The following UBE2E1 variants were observed in gnomAD, a reference collection of about 807,000 sequenced individuals.
The protein encoded by UBE2E1 is ubiquitin conjugating enzyme E2 E1.
UBE2E1 carries 6 observed loss-of-function variants against 21.4 expected under a neutral mutation model. The ratio of observed to expected loss-of-function variants is 0.28; its 90% CI spans 0.15 to 0.55. The LOEUF (loss-of-function observed/expected upper bound fraction) is 0.55. UBE2E1 is among the 20% of genes least tolerant of loss of function. UBE2E1 has a pLI of 0.93. For synonymous variants in UBE2E1, 87 were observed against 82.7 expected (o/e 1.05, Z -0.28); for missense variants, 142 against 236.5 (o/e 0.60, Z 2.62).
chr3:23,888,609 T>C (rs1701256409), intron 4 of UBE2E1, among the ~76,000 whole-genome samples: 1 of 152,242 alleles, frequency 6.6e-6, no homozygotes, highest in Non-Finnish European at 1.5e-5. Context: ...CTATAGGACC[T>C]GATGTAACGG....
At chr3:23,885,333 T>C (rs980069847) in intron 3 of UBE2E1, among the ~76,000 whole-genome samples, 3 of 152,126 alleles carry the variant, frequency 2.0e-5, no homozygotes, top group African/African-American at 7.2e-5. Context: ...GATGCAAACA[T>C]GTAGGCAGGT....
At chr3:23,839,165 G>A (rs2125299082) in intron 3 of UBE2E1, among the ~76,000 whole-genome samples, 1 of 152,096 alleles carries the variant, frequency 6.6e-6, no homozygotes, top group South Asian at 2.1e-4. Flanking sequence ...TCTTTTAAGA[G>A]ATTTAAAAAA....
intron 3 of UBE2E1, among the ~76,000 whole-genome samples, chr3:23,833,105 T>G (rs1575816654): frequency 1.3e-5 from 2 of 152,330 alleles, no homozygotes; most frequent in East Asian, 1.9e-4. Context: ...TACCTTTTGG[T>G]CAATTTTTCA....
In UBE2E1 at chr3:23,807,430, C is replaced by G. The variant is rs1254402935; in HGVS notation, c.152+9C>G. 6.3e-7 allele frequency: 1 copy of G among 1,594,788 alleles called. No individual in the cohort carries two copies. Among genetic ancestry groups the G allele is most frequent in the Non-Finnish European group, 8.5e-7 (1 of 1,174,490 alleles). ...TCCACCAGCGCCAAGAGGTACTGTG[C>G]TCTTTTTTTTTTCCACAGGCTTCCT... On this transcript the variant is annotated intron_variant, in intron 2 of 5. Transcript: ENST00000306627.
intron 3 of UBE2E1, among the ~76,000 whole-genome samples, chr3:23,845,789 CA>C (rs1219531899): frequency 1.3e-5 from 2 of 152,052 alleles, no homozygotes; most frequent in African/African-American, 4.8e-5. Flanking sequence ...CAGCCATATA[CA>C]ATTCATAAAT....
intron 3 of UBE2E1, among the ~76,000 whole-genome samples, chr3:23,845,589 C>CTCTCTGTGTGTG (rs1553637998): frequency 2.5e-5 from 3 of 121,288 alleles, no homozygotes; most frequent in African/African-American, 9.7e-5. Flanking sequence ...CTCTCTCTCT[C>CTCTCTGTGTGTG]TGTGTGTGTG....
rs900901359 is a variant in UBE2E1, at chr3:23,842,208, T to G, written c.203+30698T>G. Among the ~76,000 whole-genome samples, 26 of 97,652 alleles carry G rather than the reference T, an allele frequency of 2.7e-4. No homozygotes were observed. The highest frequency in any genetic ancestry group is 1.9e-3 in the Admixed American group (16 of 8,602). 64.1% of individuals were successfully genotyped at this position (97,652 alleles called of 152,430 possible). A position where few individuals can be genotyped will look rare whatever the true frequency, so the allele number is the denominator to read the frequency against. ...CCCAGTAAGTGAAGGGGTGTGTGTG[T>G]GTGTGTGTGTGTGTGTGTGTGTGTG... On this transcript the variant is annotated intron_variant, in intron 3 of 5. Transcript: ENST00000306627. The surrounding 1 kb of genome is among the most constrained non-coding windows in gnomAD (Gnocchi z 4.6).
At chr3:23,831,543 G>T (rs1245664107) in intron 3 of UBE2E1, among the ~76,000 whole-genome samples, 1 of 142,358 alleles carries the variant, frequency 7.0e-6, no homozygotes, top group Non-Finnish European at 1.5e-5. Context: ...TCGAGACATG[G>T]TCCCACTCTG....
intron 3 of UBE2E1, among the ~76,000 whole-genome samples, chr3:23,844,135 C>G (rs1011352782): frequency 6.6e-6 from 1 of 152,104 alleles, no homozygotes; most frequent in Non-Finnish European, 1.5e-5. Flanking sequence ...CAGGCTACAG[C>G]TAGCTAGCCT....
Position 23,872,109 on chromosome 3 carries a change from G to A in UBE2E1, c.204-15458G>A, listed in dbSNP as rs563941984. Among the ~76,000 whole-genome samples, 1,226 of 152,298 alleles carry A rather than the reference G, an allele frequency of 8.1e-3. 5 individuals are homozygous for A. The highest frequency in any genetic ancestry group is 0.013 in the Non-Finnish European group (897 of 68,040). ...TTGAGCACTGAGTGAACCAGACTCC[G>A]TCTGCAATCCCGGCACCTCGGGAGG... is the stretch of plus-strand genomic sequence containing the variant. On this transcript the variant is annotated intron_variant, in intron 3 of 5. Coordinates refer to ENST00000306627, the MANE Select transcript of UBE2E1 (RefSeq NM_003341.5).
At position 23,845,585 on chromosome 3, in the gene UBE2E1, C is replaced by CTGTGTG. The variant is rs71620797; in HGVS notation, c.203+34076_203+34077insGTGTGT. ...TTTCTCTCTCTCTCTCTCTCTCTCT[C>CTGTGTG]TCTCTGTGTGTGTGTGTGTGTGTGT... On this transcript the variant is annotated intron_variant, in intron 3 of 5. Coordinates refer to ENST00000306627, the MANE Select transcript of UBE2E1 (RefSeq NM_003341.5). Among the ~76,000 whole-genome samples, 614 of 98,022 alleles carry CTGTGTG rather than the reference C, an allele frequency of 6.3e-3. 3 individuals carry two copies. The highest frequency in any genetic ancestry group is 0.018 in the African/African-American group (442 of 24,682). The allele number at this position is 98,022 out of a possible 152,430, so 64.3% of individuals were successfully genotyped here.
intron 3 of UBE2E1, among the ~76,000 whole-genome samples, chr3:23,860,647 A>T (rs1247682666): frequency 6.6e-6 from 1 of 152,194 alleles, no homozygotes; most frequent in African/African-American, 2.4e-5. Context: ...TGAACTGACT[A>T]AAAGTATTCA....
chr3:23,820,471 A>G (rs77603922), intron 3 of UBE2E1, among the ~76,000 whole-genome samples: 1 of 152,230 alleles, frequency 6.6e-6, no homozygotes, highest in African/African-American at 2.4e-5. Flanking sequence ...CCACTCAGGA[A>G]ATCTTACAAA....
chr3:23,821,314 G>A (rs547425693), intron 3 of UBE2E1, among the ~76,000 whole-genome samples: 1 of 152,318 alleles, frequency 6.6e-6, no homozygotes, highest in South Asian at 2.1e-4. Flanking sequence ...TAAAAGATAG[G>A]AAAGGAAATG....
chr3:23,819,802 A>G (rs532685571), intron 3 of UBE2E1, among the ~76,000 whole-genome samples: 5 of 152,320 alleles, frequency 3.3e-5, no homozygotes, highest in Admixed American at 2.6e-4. Flanking sequence ...CCTTCCTGCA[A>G]TCACAGAGAA....
At chr3:23,859,891 A>G (rs773356027) in intron 3 of UBE2E1, among the ~76,000 whole-genome samples, 6 of 152,138 alleles carry the variant, frequency 3.9e-5, no homozygotes, top group Non-Finnish European at 7.4e-5. Context: ...TTGGTTTATT[A>G]TATTATTATA....
At chr3:23,862,340 G>A (rs1204080617) in intron 3 of UBE2E1, among the ~76,000 whole-genome samples, 1 of 151,992 alleles carries the variant, frequency 6.6e-6, no homozygotes, top group Non-Finnish European at 1.5e-5. Flanking sequence ...TCTTCGGTTT[G>A]GTCACCCTTT....
chr3:23,842,232 TGTGTGTGTGTGTGTGTG>T lies in UBE2E1; in HGVS notation c.203+30727_203+30743del, dbSNP rs1471165615. Among the ~76,000 whole-genome samples the T allele has an allele frequency of 1.0e-3, 81 of 77,534 alleles. No homozygotes were observed. The East Asian group carries it at 0.018, about 17-fold the overall frequency. The allele number at this position is 77,534 out of a possible 152,430, so 50.9% of individuals were successfully genotyped here. A position where few individuals can be genotyped will look rare whatever the true frequency, so the allele number is the denominator to read the frequency against. On this transcript the variant is annotated intron_variant, in intron 3 of 5. Coordinates refer to ENST00000306627, the MANE Select transcript of UBE2E1 (RefSeq NM_003341.5). The surrounding 1 kb of genome is among the most constrained non-coding windows in gnomAD (Gnocchi z 4.6). ...GTGTGTGTGTGTGTGTGTGTGTGTG[TGTGTGTGTGTGTGTGTG>T]GTGTTGTTGTTGTTGGCGACAGGGT... is the stretch of plus-strand genomic sequence containing the variant.
At position 23,810,124 on chromosome 3, in the gene UBE2E1, A is replaced by G. The variant is rs562081023; in HGVS notation, c.153-1336A>G. On this transcript the variant is annotated intron_variant, in intron 2 of 5. Transcript: ENST00000306627. This position sits in a 1 kb window ranked among gnomAD's most constrained non-coding sequence, Gnocchi z 5.8. ...GGAAAGGAAAACGTATCCTTTGTGAATTAGATTGCTCTGTGTGTGTGTTTA... is the reference window on the plus strand; with the variant it reads ...GGAAAGGAAAACGTATCCTTTGTGAGTTAGATTGCTCTGTGTGTGTGTTTA... Among the ~76,000 whole-genome samples, 271 of 152,312 alleles carry G rather than the reference A, an allele frequency of 1.8e-3. 1 individual carries two copies. The highest frequency in any genetic ancestry group is 6.1e-3 in the African/African-American group (254 of 41,558).
Sources: gnomAD v4.1 joint callset for allele counts (sites outside exome capture counted in the v4.1 genomes callset) on GRCh38, gnomAD v4.1.1 for gene constraint, Gnocchi (gnomAD v3.1) non-coding constraint, MANE v1.5 for transcripts, NCBI Gene and HGNC (gene_info 2026-07-23, HGNC 2026-07-21) for gene names.